IST1: variants seen among roughly 807,000 people sequenced by gnomAD.
The protein encoded by IST1 is IST1 factor associated with ESCRT-III.
In IST1, 23 loss-of-function variants were observed where a neutral mutation model predicts 37.0. That is an observed-to-expected ratio of 0.62 (90% CI 0.45 to 0.88). The LOEUF (loss-of-function observed/expected upper bound fraction) is 0.88. IST1 is among the 40% of genes least tolerant of loss of function. The pLI is 0.00. For synonymous variants in IST1, 180 were observed against 161.7 expected (o/e 1.11, Z -0.86); for missense variants, 488 against 445.4 (o/e 1.10, Z -0.86).
At position 71,895,576 on chromosome 16, in the gene IST1, C is replaced by G. The variant is rs2036946066; in HGVS notation, c.-29C>G. The G allele has an allele frequency of 2.0e-6, 2 of 985,188 alleles. No homozygotes were observed. Among genetic ancestry groups the G allele is most frequent in the Non-Finnish European group, 2.4e-6 (2 of 829,632 alleles). The allele number at this position is 985,188 out of a possible 1,614,324, so 61.0% of individuals were successfully genotyped here. On this transcript the variant is annotated 5_prime_UTR_variant, in exon 1 of 10. Transcript: ENST00000378799. ...AAGTCGGTGTCTGCTGCGTTCACGG[C>G]AGGATTCGGTTAGGTGAGTGTGGCA...
rs2037804995 is a variant in IST1 at position 71,928,400 on chromosome 16, C to G, written c.*587C>G. On this transcript the variant is annotated 3_prime_UTR_variant, in exon 10 of 10. Transcript: ENST00000378799. Reference sequence around the variant, plus strand: ...GTACTCCTCGCTGCAGGGCACTGTCCCACCGGGATCCAGTTGCAAAGTTTG... The same window carrying G: ...GTACTCCTCGCTGCAGGGCACTGTCGCACCGGGATCCAGTTGCAAAGTTTG... 6.5e-6 allele frequency: 1 copy of G among 152,972 alleles called. No homozygotes were observed. The highest frequency in any genetic ancestry group is 1.5e-5 in the Non-Finnish European group (1 of 68,308). The allele number at this position is 152,972 out of a possible 1,614,324, so 9.5% of individuals were successfully genotyped here.
chr16:71,898,089 C>A (rs577630258), intron 1 of IST1, among the ~76,000 whole-genome samples: 27 of 150,018 alleles, frequency 1.8e-4, no homozygotes, highest in African/African-American at 6.6e-4. Flanking sequence ...TAAGAAAAAC[C>A]CTTGGCCAGG....
upstream of IST1, chr16:71,894,698 CTTTTT>C (rs35889170): frequency 5.3e-4 from 237 of 443,226 alleles, no homozygotes; most frequent in Non-Finnish European, 7.7e-4. Flanking sequence ...TAATTTTTAA[CTTTTT>C]TTTTTTTTTT....
chr16:71,923,476 C>T lies in IST1; in HGVS notation c.852+96C>T, dbSNP rs2037660246. The T allele has an allele frequency of 5.9e-6, 4 of 680,418 alleles. No individual in the cohort carries two copies. The South Asian group carries it at 7.9e-5, about 13-fold the overall frequency. The allele number at this position is 680,418 out of a possible 1,614,324, so 42.1% of individuals were successfully genotyped here. A position where few individuals can be genotyped will look rare whatever the true frequency, so the allele number is the denominator to read the frequency against. ...ACAGGGAAGGCAGAGTTTTGATCAA[C>T]TCCTAGTACTGTCATCATTTTTGCT... is the stretch of plus-strand genomic sequence containing the variant. On this transcript the variant is annotated intron_variant, in intron 8 of 9. Transcript: ENST00000378799.
chr16:71,926,664 G>A (rs1349769062), intron 9 of IST1, among the ~76,000 whole-genome samples: 2 of 152,084 alleles, frequency 1.3e-5, no homozygotes, highest in Non-Finnish European at 2.9e-5. Context: ...CATTTTAAGT[G>A]TATACACAGA....
At chr16:71,923,101 C>T (rs2037648187) in intron 7 of IST1, among the ~76,000 whole-genome samples, 187 bp from the exon 8 acceptor site, 1 of 152,218 alleles carries the variant, frequency 6.6e-6, no homozygotes, top group South Asian at 2.1e-4. Flanking sequence ...TAGCCTTTGG[C>T]TCTAGATCTT....
rs1296556586 is a variant in IST1 at position 71,928,038 on chromosome 16, A to C, written c.*225A>C. The C allele has an allele frequency of 9.7e-6, 5 of 513,862 alleles. No homozygotes were observed. Among genetic ancestry groups the C allele is most frequent in the African/African-American group, 3.9e-5 (2 of 51,776 alleles). The allele number at this position is 513,862 out of a possible 1,614,324, so 31.8% of individuals were successfully genotyped here. On this transcript the variant is annotated 3_prime_UTR_variant, in exon 10 of 10. Transcript: ENST00000378799. ...GAGGCCAGAGCAACTGGCTCCTGGC[A>C]GCTGTGCTTGTCCGTTTCCTGTCAG...
chr16:71,916,711 C>G, intron 3 of IST1, 69 bp downstream of exon 3: 4 of 1,342,616 alleles, frequency 3.0e-6, no homozygotes, highest in Non-Finnish European at 4.2e-6. Flanking sequence ...TGATCTCTTT[C>G]TGCATTAAGG....
intron 3 of IST1, 142 bp downstream of exon 3, chr16:71,916,784 A>C (rs2037476888): frequency 2.7e-6 from 2 of 752,918 alleles, no homozygotes; most frequent in Admixed American, 6.1e-5. Context: ...TTAAAAAGAA[A>C]ATACAGAATC....
At chr16:71,926,785 TG>T (rs762187181) in intron 9 of IST1, among the ~76,000 whole-genome samples, 6 of 152,196 alleles carry the variant, frequency 3.9e-5, no homozygotes, top group Non-Finnish European at 8.8e-5. Flanking sequence ...TTGATTTTTT[TG>T]TAATTTAGTT....
upstream of IST1, chr16:71,894,875 T>C: frequency 6.6e-7 from 1 of 1,510,898 alleles, no homozygotes; most frequent in Non-Finnish European, 8.9e-7. Flanking sequence ...AAGGAAAAAG[T>C]TTTCTCTGAA....
At chr16:71,924,362 C>G (rs1168565318) in intron 8 of IST1, 1 of 374,084 alleles carries the variant, frequency 2.7e-6, no homozygotes, top group Non-Finnish European at 5.2e-6. Flanking sequence ...GTAATCCCAG[C>G]ACTTTGGGAG....
intron 2 of IST1, 145 bp from the exon 3 acceptor site, chr16:71,916,317 T>G: frequency 1.4e-6 from 1 of 722,766 alleles, no homozygotes; most frequent in Non-Finnish European, 2.3e-6. Context: ...AATTCTACAG[T>G]AGAGGGGATG....
At position 71,920,959 on chromosome 16, in the gene IST1, G is replaced by A; in HGVS notation, c.441+137G>A. The stretch of plus-strand genomic sequence containing the variant: ...TCATAGTGGGGTGAGGAGGACAGCT[G>A]TGTGGCTGGCAGTGTGGTCCAATCC... On this transcript the variant is annotated intron_variant, in intron 5 of 9. Transcript: ENST00000378799. 4 of 726,920 alleles carry A rather than the reference G, an allele frequency of 5.5e-6. No homozygotes were observed. In the Admixed American group the frequency reaches 5.9e-5, roughly 11 times the overall value. 45.0% of individuals were successfully genotyped at this position (726,920 alleles called of 1,614,324 possible). A position where few individuals can be genotyped will look rare whatever the true frequency, so the allele number is the denominator to read the frequency against.
chr16:71,901,634 T>C (rs1350359902), intron 1 of IST1, among the ~76,000 whole-genome samples: 2 of 152,250 alleles, frequency 1.3e-5, no homozygotes, highest in Admixed American at 6.5e-5. Context: ...GATTAGTTTC[T>C]TCGTAAAATG....
At chr16:71,907,786 T>C (rs750751033) in intron 1 of IST1, among the ~76,000 whole-genome samples, 1 of 152,194 alleles carries the variant, frequency 6.6e-6, no homozygotes, top group Non-Finnish European at 1.5e-5. Flanking sequence ...TTTCTTTCTT[T>C]GGTTTGTAAT....
chr16:71,930,950 G>C lies in IST1; in HGVS notation c.*3137G>C, dbSNP rs2037932998. ...GCAAAATATTTTCAAGCACCAAACT[G>C]TTTTACCTACTTAAAAATGATTATT... On this transcript the variant is annotated 3_prime_UTR_variant, in exon 10 of 10. Transcript: ENST00000378799. 1 of 152,248 alleles carries C rather than the reference G, an allele frequency of 6.6e-6. No homozygotes were observed. Among genetic ancestry groups the C allele is most frequent in the East Asian group, 1.9e-4 (1 of 5,186 alleles). The allele number at this position is 152,248 out of a possible 1,614,324, so 9.4% of individuals were successfully genotyped here. A position where few individuals can be genotyped will look rare whatever the true frequency, so the allele number is the denominator to read the frequency against.
Position 71,906,760 on chromosome 16 carries a change from C to T in IST1, c.-15-8866C>T, listed in dbSNP as rs1329973949. On this transcript the variant is annotated intron_variant, in intron 1 of 9. Coordinates refer to ENST00000378799, the MANE Select transcript of IST1 (RefSeq NM_001270975.2). ...TTCTTTTTTTTCAGCACTTTAAAAA[C>T]GTTGTTTCGCTTCCTTTTGGTCTCC... Among the ~76,000 whole-genome samples, 5 of 152,026 alleles carry T rather than the reference C, an allele frequency of 3.3e-5. 1 individual carries two copies. The highest frequency in any genetic ancestry group is 4.1e-4 in the South Asian group (2 of 4,824).
At chr16:71,911,221 A>AGAGTGAGACTTTTTG (rs927769294) in intron 1 of IST1, among the ~76,000 whole-genome samples, 1 of 152,130 alleles carries the variant, frequency 6.6e-6, no homozygotes, top group African/African-American at 2.4e-5. Flanking sequence ...AGCCTGGGTG[A>AGAGTGAGACTTTTTG]GAGTGAGACT....
Sources: allele counts gnomAD v4.1 joint callset (sites outside exome capture counted in the v4.1 genomes callset), GRCh38; gene constraint gnomAD v4.1.1; transcripts MANE v1.5; gene names NCBI Gene and HGNC (gene_info 2026-07-23, HGNC 2026-07-21).